PRRC2C: variants seen among roughly 807,000 people sequenced by gnomAD.
PRRC2C encodes the protein proline rich coiled-coil 2C, also known as protein PRRC2C.
A neutral mutation model predicts 317.2 loss-of-function variants in PRRC2C; 72 were observed. That is an observed-to-expected ratio of 0.23 (90% confidence interval 0.19 to 0.28). The LOEUF (loss-of-function observed/expected upper bound fraction) is 0.28, where lower values mean the gene tolerates loss of function less well. Among genes scored for constraint, PRRC2C ranks in the 10% least tolerant of loss-of-function variants. The probability of loss-of-function intolerance (pLI) is 1.00; values close to 1 mark genes in which losing one functional copy is unlikely to be tolerated. For missense variants in PRRC2C, 3,074 were observed against 3,459.7 expected (o/e 0.89, Z 2.80); for synonymous variants, 1,296 against 1,205.9 (o/e 1.07, Z -1.55).
At chr1:171,556,516 G>A (rs547799091) in intron 18 of PRRC2C, among the ~76,000 whole-genome samples, 6 of 152,320 alleles carry the variant, frequency 3.9e-5, no homozygotes, top group Admixed American at 2.6e-4. Context: ...AATCACACTG[G>A]GAGCTGCAGA....
chr1:171,514,978 T>G (rs747993369), intron 4 of PRRC2C, among the ~76,000 whole-genome samples: 1 of 152,252 alleles, frequency 6.6e-6, no homozygotes, highest in Non-Finnish European at 1.5e-5. Flanking sequence ...CATACTCATT[T>G]TTCATCTATG....
rs181195174 is a variant in PRRC2C, at chr1:171,546,771, A to T, written c.4972+1084A>T. ...ATGAGCCACCATGCCCAGCTAATTTATTATTATTATTATTATTATTTTTGT... is the reference window on the plus strand; with the variant it reads ...ATGAGCCACCATGCCCAGCTAATTTTTTATTATTATTATTATTATTTTTGT... On this transcript the variant is annotated intron_variant, in intron 17 of 34. Coordinates refer to ENST00000647382, the MANE Select transcript of PRRC2C (RefSeq NM_001387844.1). Among the ~76,000 whole-genome samples the T allele has an allele frequency of 2.2e-3, 338 of 151,488 alleles. 3 individuals are homozygous for T. The highest frequency in any genetic ancestry group is 8.8e-4 in the Non-Finnish European group (60 of 67,854).
intron 24 of PRRC2C, among the ~76,000 whole-genome samples, chr1:171,574,445 G>A (rs1685349768): frequency 6.6e-6 from 1 of 152,134 alleles, no homozygotes; most frequent in South Asian, 2.1e-4. Flanking sequence ...AAATGCAAAT[G>A]GTTACATCTG....
chr1:171,587,450 A>C (rs1270842483), intron 31 of PRRC2C, among the ~76,000 whole-genome samples, 198 bp from the exon 32 acceptor site: 3 of 152,212 alleles, frequency 2.0e-5, no homozygotes, highest in African/African-American at 7.2e-5. Context: ...AATTGGATTT[A>C]TAGTGTCTCT....
At position 171,592,752 on chromosome 1, in the gene PRRC2C, A is replaced by T. The variant is rs1192099939; in HGVS notation, c.*905A>T. 1.3e-5 allele frequency: 2 copies of T among 151,944 alleles called. No homozygotes were observed. The highest frequency in any genetic ancestry group is 6.6e-5 in the Admixed American group (1 of 15,250). 9.4% of individuals were successfully genotyped at this position (151,944 alleles called of 1,614,324 possible). ...TTTTTAGCTGGTGTTTATGAAGAAC[A>T]GTGAGTACCTAGAACTGTGCCACTA... is the stretch of plus-strand genomic sequence containing the variant. On this transcript the variant is annotated 3_prime_UTR_variant, in exon 35 of 35. Coordinates refer to ENST00000647382, the MANE Select transcript of PRRC2C (RefSeq NM_001387844.1).
In PRRC2C at chr1:171,494,320, G is replaced by A. The variant is rs138326719; in HGVS notation, c.-58+8585G>A. ...ACAGCCTGAGCCCTTCCACTATCCT[G>A]ATTAGAACTCCAGCAGATTTATTTA... On this transcript the variant is annotated intron_variant, in intron 1 of 34. Transcript: ENST00000647382. Among the ~76,000 whole-genome samples the A allele has an allele frequency of 2.8e-3, 433 of 152,242 alleles. 1 individual carries two copies. The highest frequency in any genetic ancestry group is 4.5e-3 in the Non-Finnish European group (303 of 68,008).
At chr1:171,538,241 C>T (rs1407019258) in intron 15 of PRRC2C, among the ~76,000 whole-genome samples, 6 of 152,272 alleles carry the variant, frequency 3.9e-5, no homozygotes, top group African/African-American at 1.4e-4. Flanking sequence ...TCCCAAAGTG[C>T]TGGGATTATA....
chr1:171,528,201 CA>C (rs1452542179), intron 11 of PRRC2C, among the ~76,000 whole-genome samples: 1 of 151,934 alleles, frequency 6.6e-6, no homozygotes, highest in Non-Finnish European at 1.5e-5. Context: ...AACAACTTCA[CA>C]AAAACCTCTC....
At position 171,550,331 on chromosome 1, in the gene PRRC2C, G is replaced by A. The variant is rs990551933; in HGVS notation, c.5127+91G>A. 5 of 1,195,102 alleles carry A rather than the reference G, an allele frequency of 4.2e-6. No individual in the cohort carries two copies. The African/African-American group carries it at 7.7e-5, about 18-fold the overall frequency. 74.0% of individuals were successfully genotyped at this position (1,195,102 alleles called of 1,614,324 possible). A position where few individuals can be genotyped will look rare whatever the true frequency, so the allele number is the denominator to read the frequency against. On this transcript the variant is annotated intron_variant, in intron 18 of 34. Coordinates refer to ENST00000647382, the MANE Select transcript of PRRC2C (RefSeq NM_001387844.1). ...GTTCAAGGTTTTTATACTTGTCAAG[G>A]CTGTTTTCATTATTCAAGTGTTAAA...
At chr1:171,581,178 G>T (rs753718917) in intron 28 of PRRC2C, among the ~76,000 whole-genome samples, 1 of 151,984 alleles carries the variant, frequency 6.6e-6, no homozygotes, top group Non-Finnish European at 1.5e-5. Flanking sequence ...ATTTTCTCCC[G>T]TTAGAAGCCC....
At chr1:171,502,517 A>C (rs1395190619) in intron 1 of PRRC2C, among the ~76,000 whole-genome samples, 1 of 151,996 alleles carries the variant, frequency 6.6e-6, no homozygotes, top group African/African-American at 2.4e-5. Flanking sequence ...CTTTTTACCC[A>C]GTTGAGTTTT....
rs552905248 is a variant in PRRC2C at position 171,542,641 on chromosome 1, T to C, written c.4763+412T>C. Among the ~76,000 whole-genome samples the C allele has an allele frequency of 2.7e-3, 408 of 152,302 alleles. 2 individuals carry two copies. The highest frequency in any genetic ancestry group is 9.2e-3 in the African/African-American group (384 of 41,560). On this transcript the variant is annotated intron_variant, in intron 16 of 34. Coordinates refer to ENST00000647382, the MANE Select transcript of PRRC2C (RefSeq NM_001387844.1). ...GTTATAACCATATACTTTGTCACTC[T>C]AGAGAGAGGCCCAGAAAACAAATCC...
chr1:171,518,963 A>G (rs1403822868), intron 6 of PRRC2C, among the ~76,000 whole-genome samples: 4 of 150,338 alleles, frequency 2.7e-5, no homozygotes, highest in African/African-American at 9.8e-5. Context: ...GCTCACTGCA[A>G]CCTCTGCCTC....
In PRRC2C at chr1:171,592,708, C is replaced by A. The variant is rs1221605364; in HGVS notation, c.*861C>A. 1.4e-5 allele frequency: 2 copies of A among 145,542 alleles called. No individual in the cohort carries two copies. Among genetic ancestry groups the A allele is most frequent in the Non-Finnish European group, 3.0e-5 (2 of 65,740 alleles). 9.0% of individuals were successfully genotyped at this position (145,542 alleles called of 1,614,324 possible). A position where few individuals can be genotyped will look rare whatever the true frequency, so the allele number is the denominator to read the frequency against. On this transcript the variant is annotated 3_prime_UTR_variant, in exon 35 of 35. Coordinates refer to ENST00000647382, the MANE Select transcript of PRRC2C (RefSeq NM_001387844.1). ...AATCCCATGATTTGGGGGTTTTTTT[C>A]TTTTTTTTTTTATACCAGTTTTTAG...
chr1:171,579,872 G>A lies in PRRC2C; in HGVS notation c.7317G>A (p.Leu2439=). 1 of 1,593,500 alleles carries A rather than the reference G, an allele frequency of 6.3e-7. No individual in the cohort carries two copies. The highest frequency in any genetic ancestry group is 1.8e-5 in the Admixed American group (1 of 55,004). The change falls in exon 28 of 35, where the codon CTG becomes CTA. Residue 2439 remains leucine (L), a synonymous_variant. Coordinates refer to ENST00000647382, the MANE Select transcript of PRRC2C (RefSeq NM_001387844.1). Reference sequence around the variant, plus strand: ...TTCCAATCCCTATTTATGCACCACTGCAAGGGCAGCATCAAGCCCAACTGA... The same window carrying A: ...TTCCAATCCCTATTTATGCACCACTACAAGGGCAGCATCAAGCCCAACTGA... ...QQIPIPIYAP[L]QGQHQAQLSL...
At chr1:171,534,210 C>T (rs1018220126) in intron 12 of PRRC2C, among the ~76,000 whole-genome samples, 1 of 151,752 alleles carries the variant, frequency 6.6e-6, no homozygotes, top group African/African-American at 2.4e-5. Flanking sequence ...TGTTAAGACT[C>T]TAAGATTTCA....
At chr1:171,588,614 T>C in intron 33 of PRRC2C, 109 bp downstream of exon 33, 2 of 1,223,866 alleles carry the variant, frequency 1.6e-6, no homozygotes, top group Non-Finnish European at 2.3e-6. Context: ...CAGTTTTTAA[T>C]AAAAAATTGT....
intron 23 of PRRC2C, among the ~76,000 whole-genome samples, chr1:171,571,009 G>T (rs1684690976): frequency 6.6e-6 from 1 of 152,078 alleles, no homozygotes; most frequent in African/African-American, 2.4e-5. Context: ...AGCATCCTCA[G>T]GTGATTTATG....
intron 30 of PRRC2C, 114 bp from the exon 31 acceptor site, chr1:171,586,889 G>A: frequency 1.2e-6 from 1 of 855,030 alleles, no homozygotes; most frequent in Non-Finnish European, 1.8e-6. Flanking sequence ...CCTGGCCGAT[G>A]TGTTCTGTTT....
Sources: gnomAD v4.1 joint callset for allele counts (sites outside exome capture counted in the v4.1 genomes callset) on GRCh38, gnomAD v4.1.1 for gene constraint, MANE v1.5 for transcripts, NCBI Gene and HGNC (gene_info 2026-07-23, HGNC 2026-07-21) for gene names.